AGBL4: variants seen among roughly 807,000 people sequenced by gnomAD.
AGBL4 encodes the protein cytosolic carboxypeptidase 6.
Under a neutral mutation model 66.4 loss-of-function variants are expected in AGBL4, and 58 were observed. The observed-to-expected ratio is 0.87, with a 90% confidence interval of 0.71 to 1.09. The LOEUF is 1.09. Among genes scored for constraint, AGBL4 ranks in the 50% least tolerant of loss-of-function variants. The probability of loss-of-function intolerance (pLI) is 0.00; values close to 1 mark genes in which losing one functional copy is unlikely to be tolerated. For synonymous variants in AGBL4, 234 were observed against 222.9 expected, an observed-to-expected ratio of 1.05 and a Z score of -0.44; for missense variants, 579 against 631.0, an observed-to-expected ratio of 0.92 and a Z score of 0.88.
chr1:49,638,079 A>C lies in AGBL4; in HGVS notation c.282+59234T>G, dbSNP rs561634237. Among the ~76,000 whole-genome samples the C allele has an allele frequency of 7.2e-5, 11 of 152,316 alleles. No homozygotes were observed. In the South Asian group the frequency reaches 1.9e-3, roughly 26 times the overall value. On this transcript the variant is annotated intron_variant, in intron 3 of 13. Coordinates refer to ENST00000371839, the MANE Select transcript of AGBL4 (RefSeq NM_032785.4). ...TTCATGCACTGTTGTTCTTAGTTTAAATTGGTTATTGAACCAAAAATCACT... is the reference window on the plus strand; with the variant it reads ...TTCATGCACTGTTGTTCTTAGTTTACATTGGTTATTGAACCAAAAATCACT...
At chr1:48,630,964 T>C (rs1031503994) in intron 9 of AGBL4, among the ~76,000 whole-genome samples, 3 of 152,190 alleles carry the variant, frequency 2.0e-5, no homozygotes, top group East Asian at 3.9e-4. Context: ...ACCCCTGTGC[T>C]TTACTCTATA....
chr1:49,253,584 C>A (rs953372849), intron 3 of AGBL4, among the ~76,000 whole-genome samples: 1 of 152,102 alleles, frequency 6.6e-6, no homozygotes, highest in African/African-American at 2.4e-5. Flanking sequence ...CAGCTGAATT[C>A]TAGCAGATGT....
At chr1:49,842,555 T>C (rs529053546) in intron 2 of AGBL4, among the ~76,000 whole-genome samples, 4 of 152,216 alleles carry the variant, frequency 2.6e-5, no homozygotes, top group Non-Finnish European at 5.9e-5. Flanking sequence ...AGCACCCATT[T>C]TGCTGTGAGT....
At chr1:49,750,080 A>G (rs1205916051) in intron 2 of AGBL4, among the ~76,000 whole-genome samples, 1 of 152,168 alleles carries the variant, frequency 6.6e-6, no homozygotes, top group Non-Finnish European at 1.5e-5. Context: ...CTCAAAATAA[A>G]CATTAATCCT....
intron 4 of AGBL4, among the ~76,000 whole-genome samples, chr1:49,090,955 T>C (rs993052934): frequency 1.3e-5 from 2 of 152,100 alleles, no homozygotes; most frequent in Non-Finnish European, 2.9e-5. Flanking sequence ...CCATCTGATG[T>C]TTGACAAAGT....
chr1:48,543,491 A>T (rs1166163980), intron 11 of AGBL4, among the ~76,000 whole-genome samples: 1 of 152,082 alleles, frequency 6.6e-6, no homozygotes, highest in Non-Finnish European at 1.5e-5. Context: ...GGCTTGTGTG[A>T]GAGGAGTGTT....
intron 5 of AGBL4, among the ~76,000 whole-genome samples, chr1:48,880,142 A>G (rs1356007004): frequency 6.6e-6 from 1 of 152,056 alleles, no homozygotes; most frequent in African/African-American, 2.4e-5. Context: ...CTGACTCTCC[A>G]AAGTCCATTG....
chr1:49,953,201 A>G (rs569018572), intron 1 of AGBL4, among the ~76,000 whole-genome samples: 8 of 152,104 alleles, frequency 5.3e-5, no homozygotes, highest in Admixed American at 2.0e-4. Context: ...TGAAATATCT[A>G]AAGTACATAT....
intron 3 of AGBL4, among the ~76,000 whole-genome samples, chr1:49,620,015 A>G (rs1436800293): frequency 2.0e-5 from 3 of 152,194 alleles, no homozygotes; most frequent in Non-Finnish European, 4.4e-5. Flanking sequence ...AACCATAAAA[A>G]CCCTAGAAGA....
chr1:48,542,096 G>A (rs1324827175), intron 11 of AGBL4, among the ~76,000 whole-genome samples: 1 of 152,090 alleles, frequency 6.6e-6, no homozygotes, highest in Non-Finnish European at 1.5e-5. Flanking sequence ...ATGGTGTTTG[G>A]TTTTCTGTTC....
chr1:48,709,909 C>A (rs1183557852), intron 6 of AGBL4, among the ~76,000 whole-genome samples: 1 of 152,136 alleles, frequency 6.6e-6, no homozygotes, highest in Non-Finnish European at 1.5e-5. Flanking sequence ...GCCTGCCAGG[C>A]ATTATTTTAA....
chr1:49,996,769 T>A (rs1660397018), intron 1 of AGBL4, among the ~76,000 whole-genome samples: 1 of 152,172 alleles, frequency 6.6e-6, no homozygotes, highest in African/African-American at 2.4e-5. Context: ...CATCAGGTAA[T>A]CTAACATCAA....
intron 3 of AGBL4, among the ~76,000 whole-genome samples, chr1:49,550,085 G>C (rs1652832899): frequency 6.6e-6 from 1 of 152,106 alleles, no homozygotes; most frequent in Admixed American, 6.6e-5. Flanking sequence ...TGTTTTGTTT[G>C]ATATAAGAAT....
At chr1:48,954,115 A>G (rs1249782214) in intron 5 of AGBL4, among the ~76,000 whole-genome samples, 1 of 152,196 alleles carries the variant, frequency 6.6e-6, no homozygotes, top group Non-Finnish European at 1.5e-5. Flanking sequence ...TGTATGCCTC[A>G]GTTTCCTGAT....
intron 5 of AGBL4, among the ~76,000 whole-genome samples, chr1:48,897,267 C>T (rs1651607756): frequency 6.6e-6 from 1 of 152,120 alleles, no homozygotes; most frequent in Non-Finnish European, 1.5e-5. Context: ...GCTTATTTAA[C>T]ATAGTGGTCT....
intron 3 of AGBL4, among the ~76,000 whole-genome samples, chr1:49,508,592 AAT>A (rs1221243970): frequency 6.6e-6 from 1 of 151,968 alleles, no homozygotes; most frequent in African/African-American, 2.4e-5. Flanking sequence ...TTAGAAAAGT[AAT>A]ATGTTTAGAG....
rs1269661890 is a variant in AGBL4, at chr1:49,841,465, A to G, written c.157+9931T>C. On this transcript the variant is annotated intron_variant, in intron 2 of 13. Coordinates refer to ENST00000371839, the MANE Select transcript of AGBL4 (RefSeq NM_032785.4). Reference sequence around the variant, plus strand: ...ATGTTATTTCAACCAAATTACCAACATCATTTTTCACAGAATTAGAAAAAA... The same window carrying G: ...ATGTTATTTCAACCAAATTACCAACGTCATTTTTCACAGAATTAGAAAAAA... Among the ~76,000 whole-genome samples, 10 of 152,290 alleles carry G rather than the reference A, an allele frequency of 6.6e-5. No individual in the cohort carries two copies. In the South Asian group the frequency reaches 2.1e-3, roughly 32 times the overall value.
intron 3 of AGBL4, among the ~76,000 whole-genome samples, chr1:49,341,959 A>G (rs1260386386): frequency 6.6e-6 from 1 of 152,016 alleles, no homozygotes; most frequent in Admixed American, 6.5e-5. Context: ...CTGAATAGAC[A>G]TCCATGGGGG....
intron 4 of AGBL4, among the ~76,000 whole-genome samples, chr1:49,142,308 C>A (rs975385921): frequency 1.3e-5 from 2 of 152,038 alleles, no homozygotes; most frequent in Admixed American, 6.6e-5. Flanking sequence ...TAAACATTTC[C>A]TGTCTCCCTC....
Sources: gnomAD v4.1 joint callset for allele counts (sites outside exome capture counted in the v4.1 genomes callset) on GRCh38, gnomAD v4.1.1 for gene constraint, MANE v1.5 for transcripts, NCBI Gene and HGNC (gene_info 2026-07-23, HGNC 2026-07-21) for gene names.